The following C17orf75 variants were observed in gnomAD, a reference collection of about 807,000 sequenced individuals.
C17orf75 encodes the protein protein Njmu-R1.
A neutral mutation model predicts 49.6 loss-of-function variants in C17orf75; 32 were observed. That is an observed-to-expected ratio of 0.65 (90% CI 0.49 to 0.87). The LOEUF (loss-of-function observed/expected upper bound fraction) is 0.87. Among genes scored for constraint, C17orf75 ranks in the 40% least tolerant of loss-of-function variants. C17orf75 has a pLI of 0.00. For synonymous variants in C17orf75, 158 were observed against 159.5 expected (o/e 0.99, Z 0.07); for missense variants, 428 against 473.9 (o/e 0.90, Z 0.90).
chr17:32,332,084 TG>T, intron 9 of C17orf75, 106 bp from the exon 10 acceptor site: 1 of 916,588 alleles, frequency 1.1e-6, no homozygotes, highest in Non-Finnish European at 1.6e-6. Context: ...CTGAATTGTT[TG>T]CTTTTCATAT....
intron 3 of C17orf75, among the ~76,000 whole-genome samples, chr17:32,339,408 TAAAAAAAAAAAAAAAA>T (rs574223196): frequency 8.7e-6 from 1 of 114,866 alleles, no homozygotes; most frequent in Non-Finnish European, 1.9e-5. Context: ...ACCCCATTTC[TAAAAAAAAAAAAAAAA>T]AAAAATTAAA....
intron 9 of C17orf75, 138 bp from the exon 10 acceptor site, chr17:32,332,116 A>AT: frequency 1.4e-6 from 1 of 729,774 alleles, no homozygotes; most frequent in South Asian, 2.0e-5. Flanking sequence ...CAAAATTTAA[A>AT]TTGCAGTATG....
intron 5 of C17orf75, among the ~76,000 whole-genome samples, chr17:32,337,667 G>A (rs2041339115): frequency 1.3e-5 from 2 of 152,030 alleles, no homozygotes; most frequent in African/African-American, 2.4e-5. Flanking sequence ...TCTGCCTCCC[G>A]GGTTCAAGCG....
intron 2 of C17orf75, among the ~76,000 whole-genome samples, chr17:32,340,430 A>G (rs989227405): frequency 2.0e-5 from 3 of 152,044 alleles, no homozygotes; most frequent in Non-Finnish European, 4.4e-5. Flanking sequence ...CACAAGGTCA[A>G]GAGATAGAGA....
Position 32,331,582 on chromosome 17 carries a change from G to C in C17orf75, c.*181C>G. ...AACTCTCACATACATTATCTATCTA[G>C]GACTCAGTGAAGATGTTCTTCAGAT... On this transcript the variant is annotated 3_prime_UTR_variant, in exon 10 of 10. Coordinates refer to ENST00000577809, the MANE Select transcript of C17orf75 (RefSeq NM_022344.4). 1.7e-6 allele frequency: 1 copy of C among 605,878 alleles called. No homozygotes were observed. Among genetic ancestry groups the C allele is most frequent in the South Asian group, 2.0e-5 (1 of 48,850 alleles). The allele number at this position is 605,878 out of a possible 1,614,324, so 37.5% of individuals were successfully genotyped here.
intron 5 of C17orf75, among the ~76,000 whole-genome samples, chr17:32,337,635 G>A (rs2041338544): frequency 6.6e-6 from 1 of 151,966 alleles, no homozygotes; most frequent in African/African-American, 2.4e-5. Flanking sequence ...GTGCAGTGGT[G>A]CAATCTCGGC....
intron 1 of C17orf75, 155 bp downstream of exon 1, chr17:32,341,845 G>A: frequency 9.3e-7 from 1 of 1,073,368 alleles, no homozygotes; most frequent in Non-Finnish European, 1.1e-6. Context: ...GGCGAGGAGC[G>A]CCCTTCAGGC....
In C17orf75 at chr17:32,334,820, A is replaced by C; in HGVS notation, c.689T>G (p.Val230Gly). 1.9e-6 allele frequency: 3 copies of C among 1,610,332 alleles called. No homozygotes were observed. The highest frequency in any genetic ancestry group is 2.5e-6 in the Non-Finnish European group (3 of 1,178,066). ...TTTTTCATCTGATTCTTTAACTTCA[A>C]CAGGAGTGTAACTCAAAGCCTATGA... is the stretch of plus-strand genomic sequence containing the variant. ...LLHAALSYTP[V>G]EVKESDEKTK... Residue 230 changes from valine (V) to glycine (G), a missense_variant, in exon 7 of 10, where the codon GTT (valine) becomes GGT (glycine). By Grantham distance (109) the Val-to-Gly change is moderately radical (BLOSUM62 -3). Transcript: ENST00000577809.
chr17:32,344,875 C>T (rs550985924), upstream of C17orf75, among the ~76,000 whole-genome samples: 134 of 151,642 alleles, frequency 8.8e-4, no homozygotes, highest in South Asian at 6.5e-3. Flanking sequence ...CCACTGCACT[C>T]CAGCCTGGGT....
intron 1 of C17orf75, among the ~76,000 whole-genome samples, chr17:32,348,468 C>T (rs1028500551): frequency 6.6e-6 from 1 of 152,166 alleles, no homozygotes; most frequent in African/African-American, 2.4e-5. Flanking sequence ...GAGGCTGAGA[C>T]AAATAATGTT....
At chr17:32,342,295 G>A (rs768161200), upstream of C17orf75, 29 of 1,262,160 alleles carry the variant, frequency 2.3e-5, no homozygotes, top group Non-Finnish European at 3.0e-5. Context: ...TGGAAAGGGA[G>A]TCTCTTCTCC....
upstream of C17orf75, among the ~76,000 whole-genome samples, chr17:32,346,695 C>G (rs2041428128): frequency 6.6e-6 from 1 of 151,968 alleles, no homozygotes; most frequent in Admixed American, 6.6e-5. Context: ...GCCTCAGCCT[C>G]CCGAGTAGCT....
In C17orf75 at chr17:32,337,934, T is replaced by A. The variant is rs1323520538; in HGVS notation, c.512A>T (p.Lys171Met). 1 of 1,605,312 alleles carries A rather than the reference T, an allele frequency of 6.2e-7. No homozygotes were observed. The highest frequency in any genetic ancestry group is 1.1e-5 in the South Asian group (1 of 89,766). ...GLELFRLELDKYIQGLKNNMN... is the reference protein window; with the variant it reads ...GLELFRLELDMYIQGLKNNMN... ...GTTATTTTTCAGCCCTTGAATGTAC[T>A]TGTCCAATTCAAGCCTGAAAGTATG... The change falls in exon 5 of 10, where the codon AAG (lysine) becomes ATG (methionine). Residue 171 changes from lysine to methionine, a missense_variant. Physicochemically the swap from Lys to Met is moderately conservative, Grantham distance 95. Transcript: ENST00000577809.
At chr17:32,342,298 T>C (rs2041389925), upstream of C17orf75, 5 of 1,230,396 alleles carry the variant, frequency 4.1e-6, no homozygotes, top group East Asian at 1.6e-4. Flanking sequence ...AAAGGGAGTC[T>C]CTTCTCCCCA....
Position 32,339,837 on chromosome 17 carries a change from C to T in C17orf75, c.323G>A (p.Gly108Asp), listed in dbSNP as rs764597782. The T allele has an allele frequency of 6.2e-7, 1 of 1,614,032 alleles. No homozygotes were observed. The highest frequency in any genetic ancestry group is 8.5e-7 in the Non-Finnish European group (1 of 1,179,890). ...LSRGAVFEGL[G>D]NVASVELKIP... is the part of the protein sequence containing the mutation. ...CTTTAGCTCCACAGATGCAACATTA[C>T]CCAGCCCTTCAAAGACTGCACCTCT... is the stretch of plus-strand genomic sequence containing the variant. Residue 108 changes from glycine to aspartate, a missense_variant, in exon 3 of 10, where the codon GGT (glycine) becomes GAT (aspartate). Coordinates refer to ENST00000577809, the MANE Select transcript of C17orf75 (RefSeq NM_022344.4).
At chr17:32,344,087 A>G, upstream of C17orf75, 4 of 570,008 alleles carry the variant, frequency 7.0e-6, no homozygotes, top group Non-Finnish European at 1.3e-5. Flanking sequence ...CAAGGAATTG[A>G]GAAAAAAGAG....
upstream of C17orf75, chr17:32,342,244 C>CGTTCCGCTGGTTTCCCCGG (rs2041389542): frequency 7.3e-7 from 1 of 1,371,180 alleles, no homozygotes; most frequent in Non-Finnish European, 9.5e-7. Flanking sequence ...CGCACACCTG[C>CGTTCCGCTGGTTTCCCCGG]GTTCCGCTGG....
chr17:32,342,198 G>T, upstream of C17orf75: 2 of 1,456,174 alleles, frequency 1.4e-6, no homozygotes, highest in Non-Finnish European at 9.1e-7. Flanking sequence ...CTCCCGTGCA[G>T]CCGTCGGTAT....
upstream of C17orf75, among the ~76,000 whole-genome samples, chr17:32,346,871 T>C (rs2041429090): frequency 6.6e-6 from 1 of 152,236 alleles, no homozygotes; most frequent in African/African-American, 2.4e-5. Context: ...GCTTTCATAG[T>C]AAAAGTGTTT....
Sources: allele counts gnomAD v4.1 joint callset (sites outside exome capture counted in the v4.1 genomes callset), GRCh38; gene constraint gnomAD v4.1.1; transcripts MANE v1.5; gene names NCBI Gene and HGNC (gene_info 2026-07-23, HGNC 2026-07-21).